CADPS2: variants seen among roughly 807,000 people sequenced by gnomAD.
CADPS2 encodes calcium dependent secretion activator 2.
CADPS2 carries 93 observed loss-of-function variants against 172.5 expected under a neutral mutation model. The ratio of observed to expected loss-of-function variants is 0.54; its 90% CI spans 0.46 to 0.64. The LOEUF is 0.64. CADPS2 is among the 30% of genes least tolerant of loss of function. The pLI is 0.00. For synonymous variants in CADPS2, 546 were observed against 555.2 expected, an observed-to-expected ratio of 0.98 and a Z score of 0.23; for missense variants, 1,420 against 1,565.9, an observed-to-expected ratio of 0.91 and a Z score of 1.57.
chr7:122,564,196 A>T (rs1196043310), intron 7 of CADPS2, among the ~76,000 whole-genome samples: 2 of 152,186 alleles, frequency 1.3e-5, no homozygotes, highest in Non-Finnish European at 2.9e-5. Flanking sequence ...ATAATAATGT[A>T]CCAAAATAAC....
chr7:122,612,762 G>A (rs2074447907), intron 6 of CADPS2, among the ~76,000 whole-genome samples: 1 of 152,178 alleles, frequency 6.6e-6, no homozygotes, highest in South Asian at 2.1e-4. Context: ...CATAGGTGAA[G>A]GACTTGCAAT....
At chr7:122,879,696 G>A (rs1257817773) in intron 1 of CADPS2, among the ~76,000 whole-genome samples, 4 of 152,016 alleles carry the variant, frequency 2.6e-5, no homozygotes, top group East Asian at 1.9e-4. Context: ...CAGGCCCTTT[G>A]CCCCAGTAAT....
At chr7:122,755,752 T>C (rs1044330527) in intron 1 of CADPS2, among the ~76,000 whole-genome samples, 1 of 151,622 alleles carries the variant, frequency 6.6e-6, no homozygotes, top group Non-Finnish European at 1.5e-5. Flanking sequence ...GGGAAACTGA[T>C]AAGATATTTC....
chr7:122,774,308 ACACT>A (rs1340372457), intron 1 of CADPS2, among the ~76,000 whole-genome samples: 1 of 141,758 alleles, frequency 7.1e-6, no homozygotes, highest in Non-Finnish European at 1.5e-5. Context: ...ACACACACAC[ACACT>A]CTGGAAACAA....
At chr7:122,877,878 G>A (rs1312566337) in intron 1 of CADPS2, among the ~76,000 whole-genome samples, 2 of 152,136 alleles carry the variant, frequency 1.3e-5, no homozygotes, top group Non-Finnish European at 2.9e-5. Flanking sequence ...TTTACTGAAG[G>A]AGTAGTTAGG....
intron 27 of CADPS2, among the ~76,000 whole-genome samples, chr7:122,347,948 C>T (rs1045537503): frequency 5.3e-5 from 8 of 152,180 alleles, no homozygotes; most frequent in African/African-American, 1.9e-4. Flanking sequence ...GAACAATTTT[C>T]AATACACAAT....
At chr7:122,525,813 C>T (rs2061182889) in intron 8 of CADPS2, among the ~76,000 whole-genome samples, 1 of 152,098 alleles carries the variant, frequency 6.6e-6, no homozygotes. Flanking sequence ...AACTGGGCTA[C>T]ATGGTACAGC....
intron 25 of CADPS2, among the ~76,000 whole-genome samples, chr7:122,365,856 C>T (rs1430744872): frequency 6.6e-6 from 1 of 152,164 alleles, no homozygotes; most frequent in Non-Finnish European, 1.5e-5. Context: ...TTGATTTTGA[C>T]AGCATATAAG....
intron 25 of CADPS2, among the ~76,000 whole-genome samples, chr7:122,372,300 C>G (rs1463734965): frequency 1.3e-5 from 2 of 152,066 alleles, no homozygotes; most frequent in African/African-American, 4.8e-5. Flanking sequence ...GGAAAAGTCA[C>G]AGAAATTTGT....
At chr7:122,333,112 T>G (rs1449597779) in intron 28 of CADPS2, among the ~76,000 whole-genome samples, 1 of 152,276 alleles carries the variant, frequency 6.6e-6, no homozygotes, top group African/African-American at 2.4e-5. Flanking sequence ...TATGTACTAG[T>G]TTGGGGTGCA....
Position 122,388,668 on chromosome 7 carries a change from G to A in CADPS2, c.3079C>T (p.His1027Tyr), listed in dbSNP as rs1270078785. Residue 1027 changes from histidine (H) to tyrosine (Y), a missense_variant, in exon 23 of 30, where the codon CAC becomes TAC. Coordinates refer to ENST00000449022, the MANE Select transcript of CADPS2 (RefSeq NM_017954.11). ...TGGGCAAATTCCTGTTCTGGCCAGT[G>A]CAGATCAAAGACAAACATTTGCAGT... ...DALQMFVFDL[H>Y]WPEQEFAHHL... The A allele has an allele frequency of 6.2e-7, 1 of 1,610,922 alleles. No individual in the cohort carries two copies. Among genetic ancestry groups the A allele is most frequent in the South Asian group, 1.1e-5 (1 of 90,628 alleles).
At chr7:122,506,826 ATTG>A (rs1219167200) in intron 9 of CADPS2, among the ~76,000 whole-genome samples, 1 of 152,092 alleles carries the variant, frequency 6.6e-6, no homozygotes, top group Non-Finnish European at 1.5e-5. Context: ...AGGAATATTT[ATTG>A]TTAACTGTGT....
intron 2 of CADPS2, chr7:122,698,135 G>A (rs137950690): frequency 1.3e-4 from 211 of 1,613,760 alleles, no homozygotes; most frequent in Non-Finnish European, 1.7e-4. Flanking sequence ...GGCTTATAGC[G>A]TTCAAAGCAA....
At chr7:122,870,476 G>T (rs906895268) in intron 1 of CADPS2, among the ~76,000 whole-genome samples, 2 of 151,866 alleles carry the variant, frequency 1.3e-5, no homozygotes, top group African/African-American at 4.8e-5. Flanking sequence ...GGAGTGGGAG[G>T]GATGGAGAAA....
chr7:122,869,560 T>C (rs1179428066), intron 1 of CADPS2, among the ~76,000 whole-genome samples: 1 of 150,470 alleles, frequency 6.6e-6, no homozygotes, highest in African/African-American at 2.5e-5. Context: ...CCACTAGACC[T>C]GCTTTACAAA....
At chr7:122,643,906 C>G (rs1036293324) in intron 3 of CADPS2, among the ~76,000 whole-genome samples, 9 of 152,158 alleles carry the variant, frequency 5.9e-5, no homozygotes, top group Admixed American at 2.0e-4. Context: ...GCTTGGGCAA[C>G]ATGGCAAAAC....
At chr7:122,549,341 C>CA (rs368385359) in intron 8 of CADPS2, among the ~76,000 whole-genome samples, 2 of 151,938 alleles carry the variant, frequency 1.3e-5, no homozygotes, top group East Asian at 3.9e-4. Context: ...CTAATTAATA[C>CA]AAAAAAATCA....
intron 4 of CADPS2, among the ~76,000 whole-genome samples, chr7:122,626,939 A>C (rs1348521662): frequency 2.0e-5 from 3 of 152,180 alleles, no homozygotes; most frequent in East Asian, 1.9e-4. Flanking sequence ...TAAAGTCAAC[A>C]TGTCTCTTGA....
chr7:122,839,238 G>A (rs1316077817), intron 1 of CADPS2, among the ~76,000 whole-genome samples: 1 of 152,162 alleles, frequency 6.6e-6, no homozygotes, highest in Admixed American at 6.5e-5. Flanking sequence ...GTAGACAGCT[G>A]AAACTGGATC....
Sources: allele counts gnomAD v4.1 joint callset (sites outside exome capture counted in the v4.1 genomes callset), GRCh38; gene constraint gnomAD v4.1.1; transcripts MANE v1.5; gene names NCBI Gene and HGNC (gene_info 2026-07-23, HGNC 2026-07-21).